DNAJC16: variants seen among roughly 807,000 people sequenced by gnomAD.
DNAJC16 encodes the protein dnaJ homolog subfamily C member 16.
DNAJC16 carries 76 observed loss-of-function variants against 92.7 expected under a neutral mutation model. The ratio of observed to expected loss-of-function variants is 0.82; its 90% CI spans 0.68 to 0.99. The LOEUF (loss-of-function observed/expected upper bound fraction) is 0.99, where lower values mean the gene tolerates loss of function less well. Among genes scored for constraint, DNAJC16 ranks in the 50% least tolerant of loss-of-function variants. The pLI is 0.00. For synonymous variants in DNAJC16, 328 were observed against 358.7 expected, an observed-to-expected ratio of 0.91 and a Z score of 0.97; for missense variants, 869 against 942.4, an observed-to-expected ratio of 0.92 and a Z score of 1.02.
chr1:15,567,723 AG>A, intron 14 of DNAJC16, 54 bp from the exon 15 acceptor site: 1 of 1,528,224 alleles, frequency 6.5e-7, no homozygotes, highest in Non-Finnish European at 8.8e-7. Flanking sequence ...TTATTTTCTC[AG>A]CAATTAAATG....
intron 7 of DNAJC16, among the ~76,000 whole-genome samples, chr1:15,558,171 CTTTTTTTTTT>C (rs1184997158): frequency 1.7e-5 from 2 of 117,808 alleles, no homozygotes; most frequent in Non-Finnish European, 3.4e-5. Flanking sequence ...ATACCCAGCC[CTTTTTTTTTT>C]TTTTTTTTTT....
intron 7 of DNAJC16, 21 bp from the exon 8 acceptor site, chr1:15,559,505 T>C: frequency 6.2e-7 from 1 of 1,613,652 alleles, no homozygotes; most frequent in Non-Finnish European, 8.5e-7. Context: ...AAAATCTAGC[T>C]GATTCTTGGT....
In DNAJC16 at chr1:15,568,624, G is replaced by A; in HGVS notation, c.*447G>A. 4.9e-6 allele frequency: 2 copies of A among 404,786 alleles called. No individual in the cohort carries two copies. Among genetic ancestry groups the A allele is most frequent in the Admixed American group, 8.3e-5 (2 of 23,976 alleles). The allele number at this position is 404,786 out of a possible 1,614,324, so 25.1% of individuals were successfully genotyped here. Reference sequence around the variant, plus strand: ...CTGCTGTGCTGCTGCCATGGCGCATGCTCCTAACTCTGAACAACCCACGGC... The same window carrying A: ...CTGCTGTGCTGCTGCCATGGCGCATACTCCTAACTCTGAACAACCCACGGC... On this transcript the variant is annotated 3_prime_UTR_variant, in exon 15 of 15. Coordinates refer to ENST00000375847, the MANE Select transcript of DNAJC16 (RefSeq NM_015291.4).
chr1:15,546,869 A>G lies in DNAJC16; in HGVS notation c.862A>G (p.Lys288Glu), dbSNP rs1043970382. 1.2e-6 allele frequency: 2 copies of G among 1,603,640 alleles called. No homozygotes were observed. Among genetic ancestry groups the G allele is most frequent in the Non-Finnish European group, 8.5e-7 (1 of 1,174,562 alleles). ...DQTPIVPLLY[K>E]LTAFAYKDYL... ...AACGCCCATTGTGCCACTGTTATAC[A>G]AGGTACTTTCTATGCTAGGATAATG... Residue 288 changes from lysine to glutamate, a missense_variant and splice_region_variant, in exon 6 of 15, where the codon AAG becomes GAG. Transcript: ENST00000375847.
chr1:15,556,575 C>T (rs114204718), intron 7 of DNAJC16, among the ~76,000 whole-genome samples: 1,748 of 152,338 alleles, frequency 0.011, 40 homozygotes, highest in African/African-American at 0.039. Context: ...CTAAACTCTT[C>T]TATTAACTTA....
chr1:15,544,148 G>GCACACACACACACACACACACACACA (rs1326749978), intron 4 of DNAJC16, among the ~76,000 whole-genome samples: 1 of 69,410 alleles, frequency 1.4e-5, no homozygotes, highest in African/African-American at 9.6e-5. Flanking sequence ...TTATGTATAT[G>GCACACACACACACACACACACACACA]CATACACACA....
At chr1:15,564,414 T>G in intron 11 of DNAJC16, 55 bp downstream of exon 11, 1 of 1,144,682 alleles carries the variant, frequency 8.7e-7, no homozygotes, top group Non-Finnish European at 1.3e-6. Context: ...GATATCACTG[T>G]TTTTCTTTTG....
rs750697218 is a variant in DNAJC16, at chr1:15,562,250, T to C, written c.1263T>C (p.His421=). Residue 421 remains histidine, a synonymous_variant, in exon 9 of 15, where the codon CAT becomes CAC. Transcript: ENST00000375847. ...CTCAAGACACAGTGAGATTTGTGCA[T>C]GTCTACAGCAATCGGCAGCAGGAGT... ...ANTQDTVRFV[H]VYSNRQQEFA... The C allele has an allele frequency of 1.1e-5, 18 of 1,614,064 alleles. No homozygotes were observed. In the Middle Eastern group the frequency reaches 8.2e-4, roughly 74 times the overall value.
At chr1:15,557,038 C>A (rs1259010669) in intron 7 of DNAJC16, among the ~76,000 whole-genome samples, 2 of 152,318 alleles carry the variant, frequency 1.3e-5, no homozygotes, top group South Asian at 2.1e-4. Flanking sequence ...ATAAATCCAA[C>A]AAGATTATGA....
intron 7 of DNAJC16, among the ~76,000 whole-genome samples, chr1:15,550,980 C>A (rs966219835): frequency 3.3e-5 from 5 of 152,212 alleles, no homozygotes; most frequent in Non-Finnish European, 7.3e-5. Context: ...GGCAATTCTT[C>A]TGCCTCAGCC....
Position 15,559,641 on chromosome 1 carries a change from C to T in DNAJC16, c.1139C>T (p.Ser380Leu), listed in dbSNP as rs779040358. The T allele has an allele frequency of 4.3e-6, 7 of 1,613,950 alleles. No individual in the cohort carries two copies. Among genetic ancestry groups the T allele is most frequent in the South Asian group, 3.3e-5 (3 of 91,050 alleles). The change falls in exon 8 of 15, where the codon TCG (serine) becomes TTG (leucine). Residue 380 changes from serine to leucine, a missense_variant. Transcript: ENST00000375847. ...LFHELCPVKR[S>L]HRQRKYCVVL... ...CATGAACTCTGCCCTGTGAAACGGT[C>T]GCATCGACAGAGGAAGTAAGGACTT...
intron 1 of DNAJC16, among the ~76,000 whole-genome samples, chr1:15,527,578 C>G (rs1385647378): frequency 6.6e-6 from 1 of 152,188 alleles, no homozygotes; most frequent in Admixed American, 6.5e-5. Flanking sequence ...GAGAATAGAT[C>G]CTAGTCTTCA....
At chr1:15,540,005 C>T (rs111251901) in intron 4 of DNAJC16, among the ~76,000 whole-genome samples, 1,735 of 151,844 alleles carry the variant, frequency 0.011, 37 homozygotes, top group African/African-American at 0.039. Context: ...CCAGCCTGGG[C>T]AACAGAGCAA....
Position 15,537,975 on chromosome 1 carries a change from G to T in DNAJC16, c.574+1161G>T, listed in dbSNP as rs992652945. Among the ~76,000 whole-genome samples, 10 of 152,322 alleles carry T rather than the reference G, an allele frequency of 6.6e-5. No individual in the cohort carries two copies. The East Asian group carries it at 1.9e-3, about 29-fold the overall frequency. On this transcript the variant is annotated intron_variant, in intron 4 of 14. Coordinates refer to ENST00000375847, the MANE Select transcript of DNAJC16 (RefSeq NM_015291.4). ...ATTTAGTGCTTGCTGGAAGGTGCAG[G>T]CAGAGCTACCAGCGTGGCCCAGAAG... is the stretch of plus-strand genomic sequence containing the variant.
rs934401780 is a variant in DNAJC16 at position 15,546,760 on chromosome 1, A to G, written c.760-7A>G. The G allele has an allele frequency of 1.9e-6, 3 of 1,602,348 alleles. No individual in the cohort carries two copies. Among genetic ancestry groups the G allele is most frequent in the South Asian group, 1.1e-5 (1 of 90,284 alleles). Reference sequence around the variant, plus strand: ...TATTGAGACTAACATTCTATTTTCAATTTAAGGTTACAAATAAAAATTACG... The same window carrying G: ...TATTGAGACTAACATTCTATTTTCAGTTTAAGGTTACAAATAAAAATTACG... On this transcript the variant is annotated splice_region_variant and splice_polypyrimidine_tract_variant and intron_variant, in intron 5 of 14. Coordinates refer to ENST00000375847, the MANE Select transcript of DNAJC16 (RefSeq NM_015291.4).
intron 1 of DNAJC16, among the ~76,000 whole-genome samples, 186 bp from the exon 2 acceptor site, chr1:15,528,902 A>G (rs1464171084): frequency 6.6e-6 from 1 of 152,176 alleles, no homozygotes; most frequent in Non-Finnish European, 1.5e-5. Context: ...AATAGTTCTC[A>G]TTTGTGATAT....
rs369880347 is a variant in DNAJC16 at position 15,527,380 on chromosome 1, C to G, written c.-19+422C>G. On this transcript the variant is annotated intron_variant, in intron 1 of 14. Transcript: ENST00000375847. ...ATGGTTAAATAAGGCAGCGATCGTACTGCATGGTAGAAATAATAGCACTAA... is the reference window on the plus strand; with the variant it reads ...ATGGTTAAATAAGGCAGCGATCGTAGTGCATGGTAGAAATAATAGCACTAA... Among the ~76,000 whole-genome samples, 5 of 152,310 alleles carry G rather than the reference C, an allele frequency of 3.3e-5. No individual in the cohort carries two copies. The East Asian group carries it at 5.8e-4, about 18-fold the overall frequency.
At chr1:15,563,789 G>T in intron 9 of DNAJC16, 140 bp from the exon 10 acceptor site, 2 of 770,238 alleles carry the variant, frequency 2.6e-6, no homozygotes, top group Non-Finnish European at 4.0e-6. Flanking sequence ...GGCGGAGCTT[G>T]CAGTGAGCCA....
At chr1:15,538,929 C>T (rs571281613) in intron 4 of DNAJC16, among the ~76,000 whole-genome samples, 55 of 152,110 alleles carry the variant, frequency 3.6e-4, no homozygotes, top group Non-Finnish European at 7.9e-4. Context: ...ATTCGAGTGG[C>T]GTGTTCTTCC....
Sources: gnomAD v4.1 joint callset for allele counts (sites outside exome capture counted in the v4.1 genomes callset) on GRCh38, gnomAD v4.1.1 for gene constraint, MANE v1.5 for transcripts, NCBI Gene and HGNC (gene_info 2026-07-23, HGNC 2026-07-21) for gene names.